Variants in UGGT2 observed in about 807,000 individuals in gnomAD.
The protein encoded by UGGT2 is UDP-glucose:glycoprotein glucosyltransferase 2.
UGGT2 carries 180 observed loss-of-function variants against 192.1 expected under a neutral mutation model. That is an observed-to-expected ratio of 0.94 (90% CI 0.83 to 1.06). UGGT2 has a LOEUF of 1.06. Ranked by LOEUF, UGGT2 falls within the 50% of genes least tolerant of loss-of-function variation. The pLI is 0.00. For synonymous variants in UGGT2, 580 were observed against 591.0 expected (o/e 0.98, Z 0.27); for missense variants, 1,849 against 1,795.7 (o/e 1.03, Z -0.54).
At chr13:96,026,297 CACCA>C (rs1447113889) in intron 2 of UGGT2, among the ~76,000 whole-genome samples, 1 of 152,084 alleles carries the variant, frequency 6.6e-6, no homozygotes, top group Non-Finnish European at 1.5e-5. Flanking sequence ...ATTCATGAGG[CACCA>C]ACCAGAGAGC....
At chr13:95,846,155 G>A (rs999755167) in intron 36 of UGGT2, among the ~76,000 whole-genome samples, 2 of 152,340 alleles carry the variant, frequency 1.3e-5, no homozygotes, top group Admixed American at 1.3e-4. Context: ...GAGTGAACGA[G>A]ACTCCGTGTG....
At chr13:95,918,211 T>C (rs1370591858) in intron 20 of UGGT2, among the ~76,000 whole-genome samples, 1 of 152,078 alleles carries the variant, frequency 6.6e-6, no homozygotes, top group Non-Finnish European at 1.5e-5. Context: ...AAATTAGAAC[T>C]GAAGATTAAG....
At chr13:96,045,216 C>T (rs9584335) in intron 1 of UGGT2, among the ~76,000 whole-genome samples, 7,660 of 152,072 alleles carry the variant, frequency 0.05, 327 homozygotes, top group East Asian at 0.15. Flanking sequence ...ACCAGATAAA[C>T]AGAATTAAAA....
rs1008981785 is a variant in UGGT2, at chr13:95,801,758, T to C, written c.*32A>G. 1 of 1,610,782 alleles carries C rather than the reference T, an allele frequency of 6.2e-7. No individual in the cohort carries two copies. Among genetic ancestry groups the C allele is most frequent in the Admixed American group, 1.7e-5 (1 of 59,598 alleles). On this transcript the variant is annotated 3_prime_UTR_variant, in exon 39 of 39. Coordinates refer to ENST00000376747, the MANE Select transcript of UGGT2 (RefSeq NM_020121.4). The stretch of plus-strand genomic sequence containing the variant: ...CCAGCAGGCGGCAGGTTTCCTGTCA[T>C]GCTTTCGCCTTCCTTCTCATATACA...
At chr13:95,858,288 A>G (rs922604487) in intron 33 of UGGT2, among the ~76,000 whole-genome samples, 3 of 151,922 alleles carry the variant, frequency 2.0e-5, no homozygotes, top group African/African-American at 2.4e-5. Context: ...TTCCTGACTA[A>G]TAAGAATGTC....
At chr13:95,868,414 T>C (rs184818431) in intron 29 of UGGT2, among the ~76,000 whole-genome samples, 1 of 148,528 alleles carries the variant, frequency 6.7e-6, no homozygotes, top group African/African-American at 2.5e-5. Context: ...TGGGCAACAG[T>C]GAGACCTCGT....
At chr13:96,050,953 A>C (rs889242526) in intron 1 of UGGT2, among the ~76,000 whole-genome samples, 4 of 152,206 alleles carry the variant, frequency 2.6e-5, no homozygotes, top group Non-Finnish European at 5.9e-5. Context: ...GACTAGAAAT[A>C]CCATTTGACC....
chr13:95,929,039 C>T (rs771926345), intron 17 of UGGT2, among the ~76,000 whole-genome samples: 2 of 152,072 alleles, frequency 1.3e-5, no homozygotes, highest in South Asian at 2.1e-4. Context: ...CCAAAAAATA[C>T]GAAAACCAGT....
chr13:96,024,147 C>A (rs1420073238), intron 2 of UGGT2, among the ~76,000 whole-genome samples: 1 of 152,094 alleles, frequency 6.6e-6, no homozygotes, highest in Admixed American at 6.5e-5. Context: ...TTTTAAAGTA[C>A]CTGTATGAAT....
intron 31 of UGGT2, among the ~76,000 whole-genome samples, chr13:95,862,291 T>C (rs1228634439): frequency 1.3e-5 from 2 of 152,200 alleles, no homozygotes; most frequent in Non-Finnish European, 2.9e-5. Flanking sequence ...TATATTTAAG[T>C]TGTTGAATCT....
intron 1 of UGGT2, among the ~76,000 whole-genome samples, chr13:96,044,725 T>C (rs927515361): frequency 1.3e-5 from 2 of 152,240 alleles, no homozygotes; most frequent in African/African-American, 2.4e-5. Context: ...AACAACTTTA[T>C]ATGCATAAAG....
chr13:95,826,366 T>C (rs554944073), intron 38 of UGGT2, among the ~76,000 whole-genome samples: 9 of 151,632 alleles, frequency 5.9e-5, no homozygotes, highest in South Asian at 4.2e-4. Context: ...GCAAGTAAAA[T>C]AAACAAACAA....
intron 2 of UGGT2, among the ~76,000 whole-genome samples, chr13:96,028,702 C>T (rs2052738312): frequency 6.6e-6 from 1 of 152,116 alleles, no homozygotes; most frequent in African/African-American, 2.4e-5. Flanking sequence ...TCAATATTTA[C>T]AATTTTTTTA....
intron 2 of UGGT2, among the ~76,000 whole-genome samples, chr13:96,028,908 G>A (rs1441611929): frequency 6.6e-6 from 1 of 152,244 alleles, no homozygotes; most frequent in East Asian, 1.9e-4. Flanking sequence ...AACTTTGGGA[G>A]GCCGAGGTGG....
chr13:95,994,157 A>C (rs1461369087), intron 7 of UGGT2, among the ~76,000 whole-genome samples: 4 of 152,032 alleles, frequency 2.6e-5, no homozygotes, highest in African/African-American at 9.7e-5. Flanking sequence ...GATTCTATAA[A>C]GTTTTTAGTT....
chr13:95,981,919 ATTAG>A (rs2051138434), intron 10 of UGGT2, among the ~76,000 whole-genome samples: 1 of 152,208 alleles, frequency 6.6e-6, no homozygotes, highest in South Asian at 2.1e-4. Flanking sequence ...TTTAGCCTAG[ATTAG>A]TTACATGAAA....
In UGGT2 at chr13:95,979,195, A is replaced by T. The variant is rs531385844; in HGVS notation, c.1092+4609T>A. On this transcript the variant is annotated intron_variant, in intron 10 of 38. Transcript: ENST00000376747. ...GGGTTGACAATTTAAAATCACCAAAAGCAGATTCTGGCCACTCACAGCAAA... is the reference window on the plus strand; with the variant it reads ...GGGTTGACAATTTAAAATCACCAAATGCAGATTCTGGCCACTCACAGCAAA... 9.9e-5 allele frequency among the ~76,000 whole-genome samples: 15 copies of T among 152,284 alleles called. No individual in the cohort carries two copies. In the South Asian group the frequency reaches 2.7e-3, roughly 27 times the overall value.
chr13:95,863,022 C>G (rs1462922012), intron 31 of UGGT2, among the ~76,000 whole-genome samples: 1 of 152,038 alleles, frequency 6.6e-6, no homozygotes, highest in Non-Finnish European at 1.5e-5. Flanking sequence ...GCCATCACAA[C>G]AGGCTAATTT....
chr13:95,807,716 C>CTTTTGTTTTTTTTTTTTTT (rs1884378069), intron 38 of UGGT2, among the ~76,000 whole-genome samples: 1 of 78,706 alleles, frequency 1.3e-5, no homozygotes, highest in Non-Finnish European at 2.6e-5. Context: ...CAGCCCTCAC[C>CTTTTGTTTTTTTTTTTTTT]TTTTTTTTTT....
Sources: allele counts gnomAD v4.1 joint callset (sites outside exome capture counted in the v4.1 genomes callset), GRCh38; gene constraint gnomAD v4.1.1; transcripts MANE v1.5; gene names NCBI Gene and HGNC (gene_info 2026-07-23, HGNC 2026-07-21).